The following CHMP3 variants were observed in gnomAD, a reference collection of about 807,000 sequenced individuals.
CHMP3 encodes the protein charged multivesicular body protein 3.
A neutral mutation model predicts 27.4 loss-of-function variants in CHMP3; 8 were observed. The ratio of observed to expected loss-of-function variants is 0.29; its 90% CI spans 0.17 to 0.53. CHMP3 has a LOEUF of 0.53. CHMP3 is among the 20% of genes least tolerant of loss of function. CHMP3 has a pLI of 0.96. For missense variants in CHMP3, 208 were observed against 271.5 expected (o/e 0.77, Z 1.64); for synonymous variants, 86 against 85.5 (o/e 1.01, Z -0.03).
At chr2:86,548,066 T>C (rs10187880) in intron 1 of CHMP3, among the ~76,000 whole-genome samples, 59,410 of 152,070 alleles carry the variant, frequency 0.39, 13,585 homozygotes, top group East Asian at 0.74. Flanking sequence ...GTTCCATCCT[T>C]CACTGAAATT....
intron 2 of CHMP3, among the ~76,000 whole-genome samples, chr2:86,536,293 C>T (rs79712293): frequency 0.068 from 10,394 of 152,188 alleles, 501 homozygotes; most frequent in East Asian, 0.14. Flanking sequence ...CCACCACGCC[C>T]GGCCTAAACC....
At chr2:86,550,692 A>T (rs1292572407) in intron 1 of CHMP3, among the ~76,000 whole-genome samples, 2 of 152,214 alleles carry the variant, frequency 1.3e-5, no homozygotes, top group Non-Finnish European at 2.9e-5. Flanking sequence ...CACTATATCC[A>T]TGGGTTCTAC....
chr2:86,550,130 C>A (rs546089349), intron 1 of CHMP3, among the ~76,000 whole-genome samples: 4 of 152,342 alleles, frequency 2.6e-5, no homozygotes, highest in African/African-American at 7.2e-5. Flanking sequence ...AATCCCAGCA[C>A]CCCGGGAGGC....
intron 4 of CHMP3, among the ~76,000 whole-genome samples, chr2:86,509,781 G>A (rs1022684948): frequency 5.3e-5 from 8 of 152,172 alleles, no homozygotes; most frequent in African/African-American, 1.9e-4. Context: ...TACTTCTCAC[G>A]ATGGCTAGAA....
At chr2:86,535,121 T>C (rs919482183) in intron 2 of CHMP3, among the ~76,000 whole-genome samples, 2 of 151,994 alleles carry the variant, frequency 1.3e-5, no homozygotes, top group Admixed American at 6.6e-5. Context: ...GCTGGTGCAG[T>C]GGCATGCATC....
chr2:86,556,939 C>T (rs942038808), intron 1 of CHMP3, among the ~76,000 whole-genome samples: 2 of 152,204 alleles, frequency 1.3e-5, no homozygotes, highest in African/African-American at 4.8e-5. Context: ...AAGTACCTGA[C>T]GAGCTCTTTA....
At position 86,507,588 on chromosome 2, in the gene CHMP3, C is replaced by G. The variant is rs776744268; in HGVS notation, c.414G>C (p.Gly138=). The change falls in exon 5 of 6, where the codon GGG becomes GGC. Residue 138 remains glycine, a synonymous_variant. Coordinates refer to ENST00000263856, the MANE Select transcript of CHMP3 (RefSeq NM_016079.4). ...RELSKEMMKA[G]IIEEMLEDTF... ...TGTCCTCTAACATCTCCTCTATGAT[C>G]CCAGCCTAAACAGAATAAATATGTC... is the stretch of plus-strand genomic sequence containing the variant. The G allele has an allele frequency of 6.2e-7, 1 of 1,613,848 alleles. No individual in the cohort carries two copies. Among genetic ancestry groups the G allele is most frequent in the Admixed American group, 1.7e-5 (1 of 60,020 alleles).
At chr2:86,537,605 T>C (rs1338515146) in intron 2 of CHMP3, among the ~76,000 whole-genome samples, 1 of 152,236 alleles carries the variant, frequency 6.6e-6, no homozygotes, top group Non-Finnish European at 1.5e-5. Context: ...GGAGATCAGA[T>C]GCTGATTCCC....
At position 86,563,316 on chromosome 2, in the gene CHMP3, C is replaced by T. The variant is rs1183987467; in HGVS notation, c.33G>A (p.Pro11=). 4 of 1,613,968 alleles carry T rather than the reference C, an allele frequency of 2.5e-6. No homozygotes were observed. The highest frequency in any genetic ancestry group is 1.3e-5 in the African/African-American group (1 of 74,936). Residue 11 remains proline (P), a synonymous_variant, in exon 1 of 6, where the codon CCG becomes CCA. Transcript: ENST00000263856. MGLFGKTQEK[P]PKELVNEWSL... ...CCGTAGCCCTTACCAGTTCTTTGGG[C>T]GGCTTCTCCTGGGTCTTTCCAAACA...
At chr2:86,517,520 C>T (rs1369792637) in intron 3 of CHMP3, among the ~76,000 whole-genome samples, 1 of 141,220 alleles carries the variant, frequency 7.1e-6, no homozygotes, top group African/African-American at 2.6e-5. Flanking sequence ...GAGCCAAGAT[C>T]GTGCCACCGC....
chr2:86,522,498 T>G (rs180733531), intron 3 of CHMP3, among the ~76,000 whole-genome samples: 130 of 152,316 alleles, frequency 8.5e-4, no homozygotes, highest in Admixed American at 2.2e-3. Flanking sequence ...AAATAGCCAC[T>G]GATTTCCTGG....
Position 86,529,206 on chromosome 2 carries a change from G to A in CHMP3, c.286+12C>T. ...GCATTATGAGGTGACTGTAAGGTAA[G>A]TGCAGCCTTACCGAGCTGGTTCTTC... On this transcript the variant is annotated intron_variant, in intron 3 of 5. Coordinates refer to ENST00000263856, the MANE Select transcript of CHMP3 (RefSeq NM_016079.4). The A allele has an allele frequency of 6.3e-7, 1 of 1,597,546 alleles. No homozygotes were observed. The highest frequency in any genetic ancestry group is 1.1e-5 in the South Asian group (1 of 88,190).
At chr2:86,535,991 TTTC>T (rs1162117248) in intron 2 of CHMP3, among the ~76,000 whole-genome samples, 1 of 91,284 alleles carries the variant, frequency 1.1e-5, no homozygotes, top group Non-Finnish European at 2.2e-5. Context: ...GTTATAAACC[TTTC>T]TTTTTTTTTT....
intron 1 of CHMP3, chr2:86,562,381 G>A (rs1677407484): frequency 6.6e-6 from 1 of 152,170 alleles, no homozygotes; most frequent in Admixed American, 6.5e-5. Flanking sequence ...TTCAAAATCT[G>A]ACTCAGTGGG....
chr2:86,510,281 C>CAAAAA, intron 4 of CHMP3, 77 bp downstream of exon 4: 3 of 1,323,618 alleles, frequency 2.3e-6, no homozygotes, highest in South Asian at 1.2e-5. Context: ...CCCACCCACC[C>CAAAAA]TCATCCCTAG....
chr2:86,550,353 G>T (rs1357726499), intron 1 of CHMP3, among the ~76,000 whole-genome samples: 4 of 151,842 alleles, frequency 2.6e-5, no homozygotes, highest in Non-Finnish European at 5.9e-5. Context: ...TCCAGCCTCG[G>T]CAACAGAGGG....
chr2:86,519,136 G>A (rs933578717), intron 3 of CHMP3, among the ~76,000 whole-genome samples: 1 of 152,116 alleles, frequency 6.6e-6, no homozygotes, highest in Admixed American at 6.5e-5. Flanking sequence ...CACTTAGGGA[G>A]GCCCAGGCAG....
chr2:86,535,859 G>C (rs1676108520), intron 2 of CHMP3, among the ~76,000 whole-genome samples: 1 of 152,056 alleles, frequency 6.6e-6, no homozygotes, highest in African/African-American at 2.4e-5. Flanking sequence ...ATAAAACTCT[G>C]TCTCTACCCC....
chr2:86,548,400 A>G (rs950682492), intron 1 of CHMP3, among the ~76,000 whole-genome samples: 1 of 152,188 alleles, frequency 6.6e-6, no homozygotes, highest in Non-Finnish European at 1.5e-5. Context: ...CTTAATGAGC[A>G]TGCTGCCTTC....
Sources: allele counts gnomAD v4.1 joint callset (sites outside exome capture counted in the v4.1 genomes callset), GRCh38; gene constraint gnomAD v4.1.1; transcripts MANE v1.5; gene names NCBI Gene and HGNC (gene_info 2026-07-23, HGNC 2026-07-21).